ERC2: variants seen among roughly 807,000 people sequenced by gnomAD.
The protein encoded by ERC2 is ELKS/RAB6-interacting/CAST family member 2.
In ERC2, 42 loss-of-function variants were observed where a neutral mutation model predicts 114.8. The ratio of observed to expected loss-of-function variants is 0.37; its 90% CI spans 0.29 to 0.47. The LOEUF (loss-of-function observed/expected upper bound fraction) is 0.47, where lower values mean the gene tolerates loss of function less well. Ranked by LOEUF, ERC2 falls within the 20% of genes least tolerant of loss-of-function variation. The pLI, the probability that ERC2 is intolerant of heterozygous loss-of-function variation, is 0.99. For synonymous variants in ERC2, 454 were observed against 425.5 expected (o/e 1.07, Z -0.82); for missense variants, 939 against 1,150.7 (o/e 0.82, Z 2.66).
intron 6 of ERC2, among the ~76,000 whole-genome samples, chr3:56,129,319 A>G (rs2080066487): frequency 6.6e-6 from 1 of 152,198 alleles, no homozygotes; most frequent in Non-Finnish European, 1.5e-5. Context: ...GCCCTTTTCC[A>G]GGGGAATGGA....
chr3:55,522,200 G>A (rs569720965), intron 17 of ERC2, among the ~76,000 whole-genome samples: 16 of 152,146 alleles, frequency 1.1e-4, no homozygotes, highest in Non-Finnish European at 2.2e-4. Flanking sequence ...TCTCTGGGGG[G>A]AGGGGACCAT....
intron 14 of ERC2, among the ~76,000 whole-genome samples, chr3:55,831,939 C>A (rs1475374292): frequency 6.6e-6 from 1 of 152,242 alleles, no homozygotes; most frequent in Non-Finnish European, 1.5e-5. Flanking sequence ...AAAAACGGCA[C>A]ACCAGGAGAT....
chr3:56,101,440 T>C (rs2078350934), intron 6 of ERC2, among the ~76,000 whole-genome samples: 1 of 116,320 alleles, frequency 8.6e-6, no homozygotes, highest in South Asian at 2.6e-4. Context: ...TTTAAAACAA[T>C]GTAATAGTAA....
At chr3:55,746,763 G>A (rs902601605) in intron 14 of ERC2, among the ~76,000 whole-genome samples, 1 of 152,134 alleles carries the variant, frequency 6.6e-6, no homozygotes, top group Admixed American at 6.6e-5. Context: ...TCTGGGAGAG[G>A]GGCTAAACAG....
intron 17 of ERC2, among the ~76,000 whole-genome samples, chr3:55,534,569 G>A (rs565983188): frequency 6.6e-6 from 1 of 152,026 alleles, no homozygotes; most frequent in Admixed American, 6.6e-5. Context: ...AGTAGCACAC[G>A]CCTGTAGTCC....
chr3:56,155,512 A>T (rs1379918720), intron 4 of ERC2, among the ~76,000 whole-genome samples: 1 of 152,172 alleles, frequency 6.6e-6, no homozygotes, highest in Non-Finnish European at 1.5e-5. Flanking sequence ...TCTCCAGAAT[A>T]CCAAATATGA....
chr3:55,785,641 T>C (rs1187478719), intron 14 of ERC2, among the ~76,000 whole-genome samples: 3 of 152,364 alleles, frequency 2.0e-5, no homozygotes, highest in Middle Eastern at 3.4e-3. Context: ...TCTTGAGGCT[T>C]GTGCTGTCCA....
At chr3:55,669,261 T>C (rs368019337) in intron 17 of ERC2, among the ~76,000 whole-genome samples, 1 of 152,234 alleles carries the variant, frequency 6.6e-6, no homozygotes, top group African/African-American at 2.4e-5. Flanking sequence ...TTCTGAAAGA[T>C]GCCAGCTGCT....
chr3:56,003,303 A>G (rs1181508076), intron 10 of ERC2, among the ~76,000 whole-genome samples: 3 of 152,186 alleles, frequency 2.0e-5, no homozygotes, highest in African/African-American at 7.2e-5. Context: ...GAGATGCTCT[A>G]GGGAAATACA....
intron 7 of ERC2, among the ~76,000 whole-genome samples, chr3:56,037,202 T>C (rs1243001615): frequency 1.3e-5 from 2 of 152,178 alleles, no homozygotes; most frequent in East Asian, 1.9e-4. Flanking sequence ...GAGGCTGAGA[T>C]GGATGAACTG....
At chr3:56,204,450 ATG>A (rs1320859633) in intron 3 of ERC2, among the ~76,000 whole-genome samples, 3 of 139,764 alleles carry the variant, frequency 2.1e-5, no homozygotes, top group Non-Finnish European at 4.8e-5. Flanking sequence ...AAAGTTTTTA[ATG>A]TGACACAAAC....
intron 3 of ERC2, among the ~76,000 whole-genome samples, chr3:56,239,276 G>A (rs974660290): frequency 1.3e-5 from 2 of 152,124 alleles, no homozygotes; most frequent in Admixed American, 6.5e-5. Context: ...TAGCACTTTC[G>A]GAGGCCGAGG....
At chr3:56,112,059 A>C (rs2078990290) in intron 6 of ERC2, among the ~76,000 whole-genome samples, 1 of 152,206 alleles carries the variant, frequency 6.6e-6, no homozygotes, top group Non-Finnish European at 1.5e-5. Flanking sequence ...CTAACTAAAA[A>C]CATCTTTCTA....
intron 15 of ERC2, among the ~76,000 whole-genome samples, chr3:55,728,389 A>G (rs1256786144): frequency 2.0e-5 from 3 of 152,224 alleles, no homozygotes; most frequent in African/African-American, 4.8e-5. Context: ...ATTTGACCCA[A>G]TTGAGCAAGT....
At chr3:55,618,099 A>T (rs2059192095) in intron 17 of ERC2, among the ~76,000 whole-genome samples, 1 of 152,202 alleles carries the variant, frequency 6.6e-6, no homozygotes, top group South Asian at 2.1e-4. Flanking sequence ...ACTTCTGTAA[A>T]GATATTTTTC....
intron 1 of ERC2, among the ~76,000 whole-genome samples, chr3:56,447,464 G>A (rs2062631306): frequency 1.3e-5 from 2 of 152,190 alleles, no homozygotes; most frequent in Non-Finnish European, 1.5e-5. Flanking sequence ...TTGGGAAGGC[G>A]GTCTAGTGGA....
At chr3:56,335,898 A>G (rs1346652833) in intron 2 of ERC2, among the ~76,000 whole-genome samples, 1 of 152,222 alleles carries the variant, frequency 6.6e-6, no homozygotes, top group Non-Finnish European at 1.5e-5. Context: ...GGTGGGCTCC[A>G]GCCTTCAGGA....
At chr3:55,604,806 C>T (rs904235033) in intron 17 of ERC2, among the ~76,000 whole-genome samples, 1 of 152,166 alleles carries the variant, frequency 6.6e-6, no homozygotes, top group Non-Finnish European at 1.5e-5. Flanking sequence ...GATGGTAGGG[C>T]CATACGTAGT....
intron 2 of ERC2, among the ~76,000 whole-genome samples, chr3:56,416,342 A>G (rs1181966057): frequency 2.0e-5 from 3 of 152,096 alleles, no homozygotes; most frequent in African/African-American, 4.8e-5. Context: ...GCTTGGTTCC[A>G]TGAAAAACCC....
Sources: allele counts gnomAD v4.1 joint callset (sites outside exome capture counted in the v4.1 genomes callset), GRCh38; gene constraint gnomAD v4.1.1; transcripts MANE v1.5; gene names NCBI Gene and HGNC (gene_info 2026-07-23, HGNC 2026-07-21).